Variants in SERINC1 observed in about 807,000 individuals in gnomAD.
The protein encoded by SERINC1 is serine incorporator 1, also known as tumor differentially expressed protein 2.
Under a neutral mutation model 52.9 loss-of-function variants are expected in SERINC1, and 38 were observed. The ratio of observed to expected loss-of-function variants is 0.72; its 90% CI spans 0.55 to 0.94. SERINC1 has a LOEUF of 0.94. Ranked by LOEUF, SERINC1 falls within the 40% of genes least tolerant of loss-of-function variation. The pLI, the probability that SERINC1 is intolerant of heterozygous loss-of-function variation, is 0.00. For missense variants in SERINC1, 471 were observed against 533.9 expected, an observed-to-expected ratio of 0.88 and a Z score of 1.16; for synonymous variants, 198 against 183.1, an observed-to-expected ratio of 1.08 and a Z score of -0.66.
At chr6:122,470,326 A>G (rs907161876) in intron 1 of SERINC1, among the ~76,000 whole-genome samples, 27 of 152,236 alleles carry the variant, frequency 1.8e-4, no homozygotes, top group African/African-American at 4.3e-4. Context: ...GTGGCGATCT[A>G]TTTTGTAAAA....
chr6:122,461,339 G>C (rs1470504791), intron 1 of SERINC1, among the ~76,000 whole-genome samples: 1 of 151,858 alleles, frequency 6.6e-6, no homozygotes, highest in African/African-American at 2.4e-5. Context: ...GAGGAACAAA[G>C]AAATAAATCA....
chr6:122,446,558 C>T (rs1165986997), intron 9 of SERINC1, among the ~76,000 whole-genome samples: 1 of 151,952 alleles, frequency 6.6e-6, no homozygotes, highest in Non-Finnish European at 1.5e-5. Context: ...TTATTTTAAT[C>T]TCTCCAAGAT....
intron 1 of SERINC1, among the ~76,000 whole-genome samples, chr6:122,463,825 A>C (rs1775145692): frequency 6.6e-6 from 1 of 152,196 alleles, no homozygotes; most frequent in African/African-American, 2.4e-5. Context: ...TACTGTATGA[A>C]TAAGCAAATC....
intron 1 of SERINC1, among the ~76,000 whole-genome samples, chr6:122,459,500 ATAAGG>A (rs994839707): frequency 6.6e-6 from 1 of 152,212 alleles, no homozygotes; most frequent in Non-Finnish European, 1.5e-5. Context: ...ACCAACCAAT[ATAAGG>A]TAAGAATAAA....
At chr6:122,450,761 T>G (rs186588888) in intron 7 of SERINC1, among the ~76,000 whole-genome samples, 111 of 152,228 alleles carry the variant, frequency 7.3e-4, no homozygotes, top group African/African-American at 2.6e-3. Context: ...TTCAAGACTT[T>G]AGTGGAGGAA....
At chr6:122,457,465 C>T (rs983531789) in intron 2 of SERINC1, among the ~76,000 whole-genome samples, 3 of 152,122 alleles carry the variant, frequency 2.0e-5, no homozygotes, top group East Asian at 1.9e-4. Flanking sequence ...TTATGGACTT[C>T]GTGTTTGTGT....
rs544455926 is a variant in SERINC1, at chr6:122,457,176, C to T, written c.202-526G>A. Among the ~76,000 whole-genome samples, 54 of 152,216 alleles carry T rather than the reference C, an allele frequency of 3.5e-4. 1 individual carries two copies. In the South Asian group the frequency reaches 0.01, roughly 29 times the overall value. On this transcript the variant is annotated intron_variant, in intron 2 of 9. Transcript: ENST00000339697. ...TCTCATTTTTATATAGACACTATCC[C>T]TGTCATTCTTAAAACTTTCTTCCTA... is the stretch of plus-strand genomic sequence containing the variant.
chr6:122,450,910 T>C (rs575890296), intron 7 of SERINC1, among the ~76,000 whole-genome samples: 1 of 152,286 alleles, frequency 6.6e-6, no homozygotes, highest in Non-Finnish European at 1.5e-5. Context: ...TTTTTTGAGA[T>C]GGAATTTACT....
In SERINC1 at chr6:122,451,967, G is replaced by A. The variant is rs779832272; in HGVS notation, c.680C>T (p.Ser227Leu). The A allele has an allele frequency of 5.0e-6, 8 of 1,598,938 alleles. No individual in the cohort carries two copies. The East Asian group carries it at 1.4e-4, about 28-fold the overall frequency. ...GACACTGATGAACGCCTTGTTTTCT[G>A]AACAACTGGCTGGATGAGTGTAGTA... is the stretch of plus-strand genomic sequence containing the variant. ...FVYYTHPASC[S>L]ENKAFISVNM... is the part of the protein sequence containing the mutation. The change falls in exon 6 of 10, where the codon TCA (serine) becomes TTA (leucine). Residue 227 changes from serine (S) to leucine (L), a missense_variant. By Grantham distance (145) the Ser-to-Leu change is moderately radical. Coordinates refer to ENST00000339697, the MANE Select transcript of SERINC1 (RefSeq NM_020755.4).
In SERINC1 at chr6:122,445,153, C is replaced by A. The variant is rs1242154423; in HGVS notation, c.1253G>T (p.Ser418Ile). Residue 418 changes from serine (S) to isoleucine (I), a missense_variant, in exon 10 of 10, where the codon AGT (serine) becomes ATT (isoleucine). Coordinates refer to ENST00000339697, the MANE Select transcript of SERINC1 (RefSeq NM_020755.4). Reference protein sequence around the residue: ...YRYEPSREMKSQWTAVWVKIS... With the variant: ...YRYEPSREMKIQWTAVWVKIS... ...TTTCACCCAGACAGCTGTCCACTGACTTTTCATCTCACGAGAGGGTTCATA... is the reference window on the plus strand; with the variant it reads ...TTTCACCCAGACAGCTGTCCACTGAATTTTCATCTCACGAGAGGGTTCATA... The A allele has an allele frequency of 3.1e-6, 5 of 1,613,954 alleles. No homozygotes were observed. The highest frequency in any genetic ancestry group is 2.2e-5 in the East Asian group (1 of 44,876).
intron 7 of SERINC1, among the ~76,000 whole-genome samples, chr6:122,449,893 G>GTAA: frequency 6.6e-6 from 1 of 152,284 alleles, no homozygotes; most frequent in South Asian, 2.1e-4. Context: ...GCGCAGGCCT[G>GTAA]TAATCCCAGC....
Position 122,463,742 on chromosome 6 carries a change from C to A in SERINC1, c.40-5061G>T, listed in dbSNP as rs1032781438. ...AACTAGAACTCTCTTACTTTGGTGG[C>A]GGGAATGAAAAATGGTACAACCATT... On this transcript the variant is annotated intron_variant, in intron 1 of 9. Coordinates refer to ENST00000339697, the MANE Select transcript of SERINC1 (RefSeq NM_020755.4). Among the ~76,000 whole-genome samples, 4 of 152,078 alleles carry A rather than the reference C, an allele frequency of 2.6e-5. No individual in the cohort carries two copies. In the East Asian group the frequency reaches 5.8e-4, roughly 22 times the overall value.
intron 1 of SERINC1, among the ~76,000 whole-genome samples, chr6:122,465,353 C>A (rs1202454573): frequency 6.6e-6 from 1 of 152,096 alleles, no homozygotes; most frequent in Non-Finnish European, 1.5e-5. Context: ...GATTTCATTC[C>A]ATTTCTTGCA....
intron 5 of SERINC1, among the ~76,000 whole-genome samples, chr6:122,452,457 G>A (rs549173563): frequency 1.3e-5 from 2 of 152,258 alleles, no homozygotes; most frequent in African/African-American, 2.4e-5. Context: ...AGGGCATTAA[G>A]AAAATTATTT....
intron 7 of SERINC1, among the ~76,000 whole-genome samples, chr6:122,447,800 A>G (rs958328426): frequency 1.3e-5 from 2 of 152,200 alleles, no homozygotes; most frequent in African/African-American, 4.8e-5. Flanking sequence ...CCTACTGCTT[A>G]CTCAAGTCTT....
Position 122,451,776 on chromosome 6 carries a change from A to AT in SERINC1, c.760-23_760-22insA, listed in dbSNP as rs1554211250. The AT allele has an allele frequency of 2.8e-3, 316 of 112,752 alleles. 1 individual carries two copies. The highest frequency in any genetic ancestry group is 0.023 in the East Asian group (67 of 2,966). The allele number at this position is 112,752 out of a possible 1,614,324, so 7.0% of individuals were successfully genotyped here. ...ATTCCTACAAAAAAAAAAAAAAAAA[A>AT]ATATATATATATATATATAGCAACA... On this transcript the variant is annotated intron_variant, in intron 6 of 9. Coordinates refer to ENST00000339697, the MANE Select transcript of SERINC1 (RefSeq NM_020755.4).
chr6:122,458,189 CT>C (rs940909317), intron 2 of SERINC1, among the ~76,000 whole-genome samples: 16 of 152,066 alleles, frequency 1.1e-4, no homozygotes, highest in African/African-American at 3.6e-4. Context: ...CTCTTTTATA[CT>C]CATTATGCTT....
chr6:122,470,302 T>G (rs113593443), intron 1 of SERINC1, among the ~76,000 whole-genome samples: 4 of 152,342 alleles, frequency 2.6e-5, no homozygotes, highest in African/African-American at 9.6e-5. Flanking sequence ...CGGACATTCT[T>G]CTAATCAATA....
chr6:122,471,767 A>G lies in SERINC1; in HGVS notation c.-30T>C. On this transcript the variant is annotated 5_prime_UTR_variant, in exon 1 of 10. Transcript: ENST00000339697. ...ACAACGTCACAAGAGCAGCGGATAC[A>G]GACAAGATGGAGACAGCTTCTTTCT... 6.2e-7 allele frequency: 1 copy of G among 1,613,922 alleles called. No homozygotes were observed. The highest frequency in any genetic ancestry group is 8.5e-7 in the Non-Finnish European group (1 of 1,179,904).
Sources: gnomAD v4.1 joint callset for allele counts (sites outside exome capture counted in the v4.1 genomes callset) on GRCh38, gnomAD v4.1.1 for gene constraint, MANE v1.5 for transcripts, NCBI Gene and HGNC (gene_info 2026-07-23, HGNC 2026-07-21) for gene names.